Variants in PATJ observed in about 807,000 individuals in gnomAD.
The protein encoded by PATJ is PATJ crumbs cell polarity complex component.
In PATJ, 190 loss-of-function variants were observed where a neutral mutation model predicts 224.9. The ratio of observed to expected loss-of-function variants is 0.84; its 90% CI spans 0.75 to 0.95. The LOEUF (loss-of-function observed/expected upper bound fraction) is 0.95. Ranked by LOEUF, PATJ falls within the 40% of genes least tolerant of loss-of-function variation. PATJ has a pLI of 0.00. For synonymous variants in PATJ, 769 were observed against 820.3 expected (o/e 0.94, Z 1.07); for missense variants, 2,121 against 2,270.3 (o/e 0.93, Z 1.34).
intron 9 of PATJ, 45 bp downstream of exon 9, chr1:61,791,492 G>A (rs1274134600): frequency 1.6e-6 from 2 of 1,231,080 alleles, no homozygotes; most frequent in Non-Finnish European, 2.4e-6. Flanking sequence ...TGTAAAGGAT[G>A]TTAAGGTTTC....
intron 34 of PATJ, among the ~76,000 whole-genome samples, chr1:62,109,346 AT>A (rs556918738): frequency 6.0e-4 from 92 of 152,130 alleles, no homozygotes; most frequent in African/African-American, 2.0e-3. Context: ...TTGGTGGTTC[AT>A]TTCTGCCTCC....
intron 1 of PATJ, among the ~76,000 whole-genome samples, chr1:61,751,478 A>AT (rs1557575914): frequency 2.0e-5 from 3 of 151,784 alleles, no homozygotes; most frequent in South Asian, 2.1e-4. Flanking sequence ...AATTGCCCAG[A>AT]TTTTTTTTGT....
chr1:61,828,401 G>GTTT (rs34139565), intron 16 of PATJ, among the ~76,000 whole-genome samples: 11 of 141,110 alleles, frequency 7.8e-5, no homozygotes, highest in South Asian at 2.3e-4. Flanking sequence ...TATGAAAAGA[G>GTTT]TTTTTTTTTT....
intron 31 of PATJ, among the ~76,000 whole-genome samples, chr1:62,052,558 A>G (rs754852136): frequency 2.0e-5 from 3 of 152,096 alleles, no homozygotes; most frequent in Non-Finnish European, 4.4e-5. Context: ...CCTGACCAAC[A>G]TGGAGAAACC....
intron 9 of PATJ, among the ~76,000 whole-genome samples, chr1:61,794,674 T>C (rs927473782): frequency 2.6e-5 from 4 of 151,990 alleles, no homozygotes; most frequent in Non-Finnish European, 5.9e-5. Context: ...GTTGTTGTTG[T>C]TGTTGTTGTT....
At chr1:62,049,080 T>C (rs1653092992) in intron 30 of PATJ, among the ~76,000 whole-genome samples, 1 of 152,096 alleles carries the variant, frequency 6.6e-6, no homozygotes, top group Non-Finnish European at 1.5e-5. Context: ...GCTGCTTGCT[T>C]TCTTTAATTT....
chr1:61,756,563 C>CTTTT lies in PATJ; in HGVS notation c.-35-6273_-35-6270dup, dbSNP rs370667808. Among the ~76,000 whole-genome samples, 298 of 65,582 alleles carry CTTTT rather than the reference C, an allele frequency of 4.5e-3. 3 individuals are homozygous for CTTTT. The highest frequency in any genetic ancestry group is 5.2e-3 in the East Asian group (11 of 2,114). The allele number at this position is 65,582 out of a possible 152,430, so 43.0% of individuals were successfully genotyped here. ...CTTATATATTGCTAAAACCAGGACA[C>CTTTT]TTTTTTTTTTTTTTTTTTTTTTTTT... On this transcript the variant is annotated intron_variant, in intron 1 of 43. Coordinates refer to ENST00000642238, the MANE Select transcript of PATJ (RefSeq NM_001350145.3).
At position 61,775,270 on chromosome 1, in the gene PATJ, T is replaced by C. The variant is rs1489648532; in HGVS notation, c.785T>C (p.Ile262Thr). 2 of 1,613,848 alleles carry C rather than the reference T, an allele frequency of 1.2e-6. No homozygotes were observed. The highest frequency in any genetic ancestry group is 1.7e-6 in the Non-Finnish European group (2 of 1,179,910). ...INDGSGLGFG[I>T]VGGKTSGVVV... is the part of the protein sequence containing the mutation. ...GATGGCTCTGGACTAGGTTTTGGAA[T>C]AGTTGGAGGAAAAACAAGTGGCGTG... Residue 262 changes from isoleucine to threonine, a missense_variant, in exon 7 of 44, where the codon ATA (isoleucine) becomes ACA (threonine). Physicochemically the swap from Ile to Thr is moderately conservative, Grantham distance 89. Coordinates refer to ENST00000642238, the MANE Select transcript of PATJ (RefSeq NM_001350145.3).
At chr1:62,150,162 G>C (rs1054493069) in intron 42 of PATJ, among the ~76,000 whole-genome samples, 1 of 152,124 alleles carries the variant, frequency 6.6e-6, no homozygotes, top group African/African-American at 2.4e-5. Flanking sequence ...AGGCCACAAA[G>C]TGGGGAAAAG....
intron 27 of PATJ, among the ~76,000 whole-genome samples, chr1:61,946,091 C>G (rs1306896217): frequency 6.6e-6 from 1 of 152,162 alleles, no homozygotes; most frequent in African/African-American, 2.4e-5. Flanking sequence ...ATTTATAGCA[C>G]TAAATGCCCA....
At chr1:62,108,392 A>G in intron 33 of PATJ, 45 bp from the exon 34 acceptor site, 2 of 1,214,000 alleles carry the variant, frequency 1.6e-6, no homozygotes, top group Non-Finnish European at 2.4e-6. Flanking sequence ...TGCTTAAGGA[A>G]GCATTTGTGG....
rs1319789206 is a variant in PATJ at position 62,161,911 on chromosome 1, A to G, written c.*857A>G. The G allele has an allele frequency of 6.6e-6, 1 of 152,242 alleles. No individual in the cohort carries two copies. The highest frequency in any genetic ancestry group is 2.4e-5 in the African/African-American group (1 of 41,470). The allele number at this position is 152,242 out of a possible 1,614,324, so 9.4% of individuals were successfully genotyped here. A position where few individuals can be genotyped will look rare whatever the true frequency, so the allele number is the denominator to read the frequency against. On this transcript the variant is annotated 3_prime_UTR_variant, in exon 44 of 44. Transcript: ENST00000642238. Reference sequence around the variant, plus strand: ...CCAAGATGAAATACCAGATTCTCCTATGGGAAATTACTGTGCTGTCTTCTG... The same window carrying G: ...CCAAGATGAAATACCAGATTCTCCTGTGGGAAATTACTGTGCTGTCTTCTG...
intron 27 of PATJ, chr1:61,952,225 A>G (rs1405128781): frequency 3.9e-6 from 2 of 508,420 alleles, no homozygotes; most frequent in Non-Finnish European, 7.2e-6. Context: ...AAATAGATTG[A>G]CAGGTTGCCC....
At chr1:61,852,818 G>C (rs986648099) in intron 17 of PATJ, among the ~76,000 whole-genome samples, 3 of 152,188 alleles carry the variant, frequency 2.0e-5, no homozygotes, top group African/African-American at 7.2e-5. Context: ...GGCAGTAGCA[G>C]CTGCTGTTTT....
intron 14 of PATJ, among the ~76,000 whole-genome samples, chr1:61,810,517 TGAAACCCTG>T: frequency 6.6e-6 from 1 of 151,728 alleles, no homozygotes; most frequent in African/African-American, 2.4e-5. Context: ...GCCAACATAG[TGAAACCCTG>T]TCTCTACTAG....
chr1:62,054,037 T>C (rs1406369611), intron 31 of PATJ, among the ~76,000 whole-genome samples: 1 of 152,182 alleles, frequency 6.6e-6, no homozygotes, highest in African/African-American at 2.4e-5. Flanking sequence ...AAATGTTGGA[T>C]TGAATCATAT....
At chr1:61,890,346 G>A (rs1212590518) in intron 22 of PATJ, among the ~76,000 whole-genome samples, 1 of 152,148 alleles carries the variant, frequency 6.6e-6, no homozygotes, top group African/African-American at 2.4e-5. Context: ...TGATATGTTG[G>A]TGCATGCCTG....
At chr1:61,971,914 G>A (rs1360663906) in intron 27 of PATJ, among the ~76,000 whole-genome samples, 3 of 150,254 alleles carry the variant, frequency 2.0e-5, no homozygotes, top group Admixed American at 6.6e-5. Context: ...ACTTGAACAC[G>A]GGAGGTTGAG....
At chr1:61,742,809 C>A (rs928037255) in intron 1 of PATJ, among the ~76,000 whole-genome samples, 1 of 150,254 alleles carries the variant, frequency 6.7e-6, no homozygotes, top group African/African-American at 2.4e-5. Context: ...GCGGGGGCGC[C>A]GTCCTCCTGC....
Sources: gnomAD v4.1 joint callset for allele counts (sites outside exome capture counted in the v4.1 genomes callset) on GRCh38, gnomAD v4.1.1 for gene constraint, MANE v1.5 for transcripts, NCBI Gene and HGNC (gene_info 2026-07-23, HGNC 2026-07-21) for gene names.